TEAD1: variants seen among roughly 807,000 people sequenced by gnomAD.
The protein encoded by TEAD1 is TEA domain transcription factor 1.
Under a neutral mutation model 54.9 loss-of-function variants are expected in TEAD1, and 9 were observed. That is an observed-to-expected ratio of 0.16 (90% CI 0.10 to 0.29). The LOEUF is 0.29. Ranked by LOEUF, TEAD1 falls within the 10% of genes least tolerant of loss-of-function variation. The pLI is 1.00. For missense variants in TEAD1, 387 were observed against 535.9 expected (o/e 0.72, Z 2.74); for synonymous variants, 200 against 187.8 (o/e 1.07, Z -0.53).
intron 12 of TEAD1, among the ~76,000 whole-genome samples, chr11:12,930,584 A>C (rs985794067): frequency 6.6e-6 from 1 of 152,202 alleles, no homozygotes. Flanking sequence ...TGGGTAATAA[A>C]AAGTGATGTG....
chr11:12,934,591 A>C (rs1236455625), intron 12 of TEAD1, among the ~76,000 whole-genome samples: 2 of 151,922 alleles, frequency 1.3e-5, no homozygotes, highest in African/African-American at 4.8e-5. Context: ...AAAAGAATGG[A>C]TAGAAAAGAC....
chr11:12,928,561 C>T (rs1198457721), intron 11 of TEAD1, among the ~76,000 whole-genome samples: 2 of 152,140 alleles, frequency 1.3e-5, no homozygotes, highest in Non-Finnish European at 2.9e-5. Context: ...TGAGCTGTCA[C>T]ACCCAACTAT....
chr11:12,727,940 C>G (rs890462073), intron 2 of TEAD1, among the ~76,000 whole-genome samples: 3 of 151,906 alleles, frequency 2.0e-5, no homozygotes, highest in African/African-American at 7.3e-5. Flanking sequence ...ATTCCTGAAA[C>G]TCCACACTCA....
chr11:12,727,416 G>A (rs1944334439), intron 2 of TEAD1, among the ~76,000 whole-genome samples: 1 of 152,116 alleles, frequency 6.6e-6, no homozygotes, highest in South Asian at 2.1e-4. Flanking sequence ...CATAGTCTGT[G>A]GTAGGCGCTT....
At chr11:12,836,386 G>A (rs567479801) in intron 3 of TEAD1, among the ~76,000 whole-genome samples, 57 of 148,450 alleles carry the variant, frequency 3.8e-4, no homozygotes, top group African/African-American at 1.0e-3. Flanking sequence ...CACCACTGCC[G>A]TCTAGCCTGG....
chr11:12,853,886 T>C (rs754611794), intron 3 of TEAD1, among the ~76,000 whole-genome samples: 3 of 152,196 alleles, frequency 2.0e-5, no homozygotes, highest in Non-Finnish European at 2.9e-5. Flanking sequence ...AGATAGAAGT[T>C]CTGAGTAACC....
At chr11:12,783,095 G>A (rs1530181) in intron 3 of TEAD1, among the ~76,000 whole-genome samples, 5,482 of 121,570 alleles carry the variant, frequency 0.045, 359 homozygotes, top group African/African-American at 0.18. Flanking sequence ...ACCAGGTAAG[G>A]GTTTGTGTGT....
intron 2 of TEAD1, among the ~76,000 whole-genome samples, chr11:12,708,996 C>T (rs1277904059): frequency 6.6e-6 from 1 of 152,194 alleles, no homozygotes; most frequent in Non-Finnish European, 1.5e-5. Flanking sequence ...CCCTCATTTT[C>T]TACTTCCTAC....
At position 12,940,013 on chromosome 11, in the gene TEAD1, C is replaced by T. The variant is rs539096917; in HGVS notation, c.*2791C>T. 4 of 152,244 alleles carry T rather than the reference C, an allele frequency of 2.6e-5. No homozygotes were observed. The highest frequency in any genetic ancestry group is 2.1e-4 in the South Asian group (1 of 4,824). 9.4% of individuals were successfully genotyped at this position (152,244 alleles called of 1,614,324 possible). On this transcript the variant is annotated 3_prime_UTR_variant, in exon 13 of 13. Transcript: ENST00000527636. ...TTCTCTTCCAGGTGCTCTATCCCCTCGAGACCCTCTGGTGCCAGGCTTGCT... is the reference window on the plus strand; with the variant it reads ...TTCTCTTCCAGGTGCTCTATCCCCTTGAGACCCTCTGGTGCCAGGCTTGCT...
At chr11:12,719,808 G>C (rs1229090354) in intron 2 of TEAD1, among the ~76,000 whole-genome samples, 1 of 151,952 alleles carries the variant, frequency 6.6e-6, no homozygotes, top group Non-Finnish European at 1.5e-5. Context: ...ACTCTGACTT[G>C]AAAATTATGG....
chr11:12,676,191 A>G (rs1187918807), intron 2 of TEAD1, among the ~76,000 whole-genome samples: 1 of 152,258 alleles, frequency 6.6e-6, no homozygotes, highest in Non-Finnish European at 1.5e-5. Flanking sequence ...CGTATTGCAA[A>G]GGAGCAGAAC....
chr11:12,942,520 G>C lies in TEAD1; in HGVS notation c.*5298G>C, dbSNP rs541260474. On this transcript the variant is annotated 3_prime_UTR_variant, in exon 13 of 13. Transcript: ENST00000527636. ...CACCTCGTCACCCAGCCCTGCGTCC[G>C]GATGAGGGGACTTCTGCACAAATGA... 1 of 152,170 alleles carries C rather than the reference G, an allele frequency of 6.6e-6. No individual in the cohort carries two copies. The highest frequency in any genetic ancestry group is 1.5e-5 in the Non-Finnish European group (1 of 68,040). The allele number at this position is 152,170 out of a possible 1,614,324, so 9.4% of individuals were successfully genotyped here. A position where few individuals can be genotyped will look rare whatever the true frequency, so the allele number is the denominator to read the frequency against.
Position 12,794,555 on chromosome 11 carries a change from G to T in TEAD1, c.202+30121G>T, listed in dbSNP as rs1423682619. 2.0e-5 allele frequency among the ~76,000 whole-genome samples: 3 copies of T among 152,174 alleles called. No homozygotes were observed. The South Asian group carries it at 6.2e-4, about 32-fold the overall frequency. ...AGGTGAGGGCCAGGGTCACAATGATGGTTCTGATTGTTCCTCTCCAGGAGG... is the reference window on the plus strand; with the variant it reads ...AGGTGAGGGCCAGGGTCACAATGATTGTTCTGATTGTTCCTCTCCAGGAGG... On this transcript the variant is annotated intron_variant, in intron 3 of 12. Coordinates refer to ENST00000527636, the MANE Select transcript of TEAD1 (RefSeq NM_021961.6).
At chr11:12,719,356 A>G (rs1229189209) in intron 2 of TEAD1, among the ~76,000 whole-genome samples, 2 of 151,996 alleles carry the variant, frequency 1.3e-5, no homozygotes, top group Non-Finnish European at 2.9e-5. Context: ...TGGCTTCTAT[A>G]TGCTCACATT....
In TEAD1 at chr11:12,942,135, A is replaced by G. The variant is rs896230060; in HGVS notation, c.*4913A>G. ...GTTGCAACTTCATAGTTTACTATGA[A>G]AAGCAAATTGTACTTTTTAATGTTG... On this transcript the variant is annotated 3_prime_UTR_variant, in exon 13 of 13. Coordinates refer to ENST00000527636, the MANE Select transcript of TEAD1 (RefSeq NM_021961.6). 4 of 152,652 alleles carry G rather than the reference A, an allele frequency of 2.6e-5. No individual in the cohort carries two copies. The highest frequency in any genetic ancestry group is 2.0e-4 in the Admixed American group (3 of 15,282). 9.5% of individuals were successfully genotyped at this position (152,652 alleles called of 1,614,324 possible). A position where few individuals can be genotyped will look rare whatever the true frequency, so the allele number is the denominator to read the frequency against.
intron 10 of TEAD1, among the ~76,000 whole-genome samples, chr11:12,911,397 C>T (rs551468176): frequency 1.3e-5 from 2 of 152,264 alleles, no homozygotes; most frequent in East Asian, 1.9e-4. Context: ...TGGAACCAAA[C>T]GTCCTGTTGC....
At chr11:12,873,130 C>T (rs1330770966) in intron 5 of TEAD1, among the ~76,000 whole-genome samples, 3 of 152,170 alleles carry the variant, frequency 2.0e-5, no homozygotes, top group African/African-American at 7.2e-5. Context: ...TTTGCATTGT[C>T]TCCCTCCACT....
At chr11:12,909,888 G>A (rs1948587056) in intron 10 of TEAD1, among the ~76,000 whole-genome samples, 1 of 152,222 alleles carries the variant, frequency 6.6e-6, no homozygotes, top group African/African-American at 2.4e-5. Context: ...TATGGTTCAA[G>A]AGGAGTTTTG....
At chr11:12,713,492 G>A (rs1943986079) in intron 2 of TEAD1, among the ~76,000 whole-genome samples, 1 of 152,146 alleles carries the variant, frequency 6.6e-6, no homozygotes, top group Non-Finnish European at 1.5e-5. Context: ...TTGGCTCTTA[G>A]TCATTAGATA....
Sources: allele counts gnomAD v4.1 joint callset (sites outside exome capture counted in the v4.1 genomes callset), GRCh38; gene constraint gnomAD v4.1.1; transcripts MANE v1.5; gene names NCBI Gene and HGNC (gene_info 2026-07-23, HGNC 2026-07-21).